The following PLEKHG1 variants were observed in gnomAD, a reference collection of about 807,000 sequenced individuals.
PLEKHG1 encodes the protein pleckstrin homology and RhoGEF domain containing G1, also known as pleckstrin homology domain-containing family G member 1.
A neutral mutation model predicts 100.8 loss-of-function variants in PLEKHG1; 44 were observed. That is an observed-to-expected ratio of 0.44 (90% CI 0.34 to 0.56). The LOEUF is 0.56. Among genes scored for constraint, PLEKHG1 ranks in the 20% least tolerant of loss-of-function variants. The probability of loss-of-function intolerance (pLI) is 0.01; values close to 1 mark genes in which losing one functional copy is unlikely to be tolerated. For synonymous variants in PLEKHG1, 640 were observed against 662.5 expected, an observed-to-expected ratio of 0.97 and a Z score of 0.52; for missense variants, 1,545 against 1,720.9, an observed-to-expected ratio of 0.90 and a Z score of 1.81.
intron 3 of PLEKHG1, among the ~76,000 whole-genome samples, chr6:150,676,401 G>A (rs1167026958): frequency 6.6e-6 from 1 of 152,106 alleles, no homozygotes; most frequent in Non-Finnish European, 1.5e-5. Flanking sequence ...TCAAATAAAC[G>A]GAAGTCAAAA....
intron 2 of PLEKHG1, among the ~76,000 whole-genome samples, chr6:150,742,336 G>A (rs952488820): frequency 2.6e-4 from 39 of 152,256 alleles, no homozygotes; most frequent in African/African-American, 8.7e-4. Flanking sequence ...GGAGGCCGAG[G>A]TGGGCGGATC....
At chr6:150,680,739 G>A (rs1582933434) in intron 3 of PLEKHG1, among the ~76,000 whole-genome samples, 1 of 152,346 alleles carries the variant, frequency 6.6e-6, no homozygotes, top group East Asian at 1.9e-4. Flanking sequence ...ACAGGTAACT[G>A]TTTTGGTTGG....
chr6:150,775,708 C>T (rs986236401), intron 3 of PLEKHG1, among the ~76,000 whole-genome samples: 1 of 152,168 alleles, frequency 6.6e-6, no homozygotes. Flanking sequence ...TTTTTCTTCT[C>T]CTTGCAATGT....
intron 2 of PLEKHG1, among the ~76,000 whole-genome samples, chr6:150,741,012 T>A (rs1279909350): frequency 1.3e-5 from 2 of 152,272 alleles, no homozygotes; most frequent in South Asian, 4.1e-4. Flanking sequence ...TTTCACCACC[T>A]CAACAACAGC....
intron 3 of PLEKHG1, among the ~76,000 whole-genome samples, chr6:150,656,071 A>G (rs547961028): frequency 2.0e-5 from 3 of 152,190 alleles, no homozygotes; most frequent in African/African-American, 7.2e-5. Flanking sequence ...CATTCTGCAC[A>G]TGTATCCCAG....
At chr6:150,753,792 ATGC>A (rs1013617448) in intron 2 of PLEKHG1, among the ~76,000 whole-genome samples, 40 of 152,332 alleles carry the variant, frequency 2.6e-4, no homozygotes, top group African/African-American at 9.4e-4. Flanking sequence ...TTGTAAAAAA[ATGC>A]TGCCCCTGCG....
chr6:150,641,985 C>T (rs867402094), intron 2 of PLEKHG1, among the ~76,000 whole-genome samples: 18 of 147,192 alleles, frequency 1.2e-4, no homozygotes, highest in African/African-American at 4.2e-4. Flanking sequence ...ACACATTTCC[C>T]GAATAAAGTA....
At chr6:150,750,214 C>T (rs1453724993) in intron 2 of PLEKHG1, among the ~76,000 whole-genome samples, 1 of 152,130 alleles carries the variant, frequency 6.6e-6, no homozygotes, top group African/African-American at 2.4e-5. Context: ...CTACATACAC[C>T]GGTTTAGAGG....
At chr6:150,803,290 T>C (rs1031824742) in intron 6 of PLEKHG1, among the ~76,000 whole-genome samples, 2 of 152,238 alleles carry the variant, frequency 1.3e-5, no homozygotes, top group Non-Finnish European at 2.9e-5. Flanking sequence ...TGATTATGTA[T>C]GATAAATGTC....
intron 3 of PLEKHG1, among the ~76,000 whole-genome samples, chr6:150,673,892 TG>T (rs890765584): frequency 2.0e-5 from 3 of 152,166 alleles, no homozygotes; most frequent in Non-Finnish European, 4.4e-5. Context: ...CTCAAACTCC[TG>T]GGCTCAAGCA....
chr6:150,795,519 A>G (rs959022019), intron 4 of PLEKHG1, among the ~76,000 whole-genome samples: 2 of 151,890 alleles, frequency 1.3e-5, no homozygotes, highest in African/African-American at 4.8e-5. Context: ...CTGTCTACAT[A>G]CCTCGTTTCT....
chr6:150,645,259 T>G (rs1442548448), intron 2 of PLEKHG1, among the ~76,000 whole-genome samples: 1 of 152,170 alleles, frequency 6.6e-6, no homozygotes, highest in Non-Finnish European at 1.5e-5. Flanking sequence ...TAATTGGTTA[T>G]CCTTATGGAA....
rs1319244987 is a variant in PLEKHG1 at position 150,831,438 on chromosome 6, T to C, written c.2327T>C (p.Val776Ala). The C allele has an allele frequency of 2.5e-6, 4 of 1,614,064 alleles. No homozygotes were observed. In the Admixed American group the frequency reaches 5.0e-5, roughly 20 times the overall value. Residue 776 changes from valine to alanine, a missense_variant, in exon 15 of 16, where the codon GTG (valine) becomes GCG (alanine). Coordinates refer to ENST00000358517, the Ensembl canonical transcript of PLEKHG1. This position sits in a 1 kb window ranked among gnomAD's most constrained non-coding sequence, Gnocchi z 4.1. ...TTTTTGGGTCTGGAGGCCGACTTCG[T>C]GTGCTGTGACAGCCTGAGGCCATTT...
chr6:150,780,005 T>C (rs1454408029), intron 3 of PLEKHG1, among the ~76,000 whole-genome samples: 1 of 151,626 alleles, frequency 6.6e-6, no homozygotes, highest in Non-Finnish European at 1.5e-5. Flanking sequence ...CCGCTCACAG[T>C]TCTTCTCTGC....
intron 3 of PLEKHG1, among the ~76,000 whole-genome samples, chr6:150,688,381 C>T (rs895182731): frequency 2.4e-4 from 36 of 152,088 alleles, no homozygotes; most frequent in Middle Eastern, 3.4e-3. Context: ...AGTGTAGTGG[C>T]GTGATCTTGG....
intron 2 of PLEKHG1, among the ~76,000 whole-genome samples, chr6:150,737,448 C>T (rs1457770093): frequency 2.6e-5 from 4 of 151,636 alleles, no homozygotes; most frequent in Admixed American, 2.6e-4. Context: ...CCCGCCACCG[C>T]CCCCGGCTAA....
At chr6:150,744,329 C>T (rs563326999) in intron 2 of PLEKHG1, among the ~76,000 whole-genome samples, 1 of 152,306 alleles carries the variant, frequency 6.6e-6, no homozygotes, top group East Asian at 1.9e-4. Context: ...CTGCCTCGGC[C>T]TCCCAAAGTG....
intron 2 of PLEKHG1, among the ~76,000 whole-genome samples, chr6:150,750,674 G>A (rs1430619887): frequency 6.8e-6 from 1 of 146,618 alleles, no homozygotes; most frequent in East Asian, 2.0e-4. Context: ...CCAGCTACTC[G>A]GGAGGCTGAG....
intron 4 of PLEKHG1, among the ~76,000 whole-genome samples, chr6:150,789,764 C>A (rs1161708400): frequency 1.3e-5 from 2 of 152,108 alleles, no homozygotes; most frequent in African/African-American, 4.8e-5. Context: ...AAAGTATGAG[C>A]CAATCAGAGA....
Sources: allele counts gnomAD v4.1 joint callset (sites outside exome capture counted in the v4.1 genomes callset), GRCh38; gene constraint gnomAD v4.1.1; non-coding constraint Gnocchi (gnomAD v3.1); transcripts MANE v1.5; gene names NCBI Gene and HGNC (gene_info 2026-07-23, HGNC 2026-07-21).